Variants in PPP2R5C observed in about 807,000 individuals in gnomAD.
PPP2R5C encodes the protein protein phosphatase 2 regulatory subunit B'gamma, also known as serine/threonine-protein phosphatase 2A 56 kDa regulatory subunit gamma isoform.
Under a neutral mutation model 68.9 loss-of-function variants are expected in PPP2R5C, and 7 were observed. That is an observed-to-expected ratio of 0.10 (90% CI 0.06 to 0.19). The LOEUF is 0.19. Ranked by LOEUF, PPP2R5C falls within the 10% of genes least tolerant of loss-of-function variation. The pLI is 1.00. For synonymous variants in PPP2R5C, 210 were observed against 222.2 expected, an observed-to-expected ratio of 0.95 and a Z score of 0.49; for missense variants, 348 against 641.3, an observed-to-expected ratio of 0.54 and a Z score of 4.94.
At chr14:101,803,193 A>G (rs977534875) in intron 3 of PPP2R5C, 1 of 152,226 alleles carries the variant, frequency 6.6e-6, no homozygotes, top group Non-Finnish European at 1.5e-5. Context: ...TGGGTGACAG[A>G]GCAAGACCCT....
rs2037720567 is a variant in PPP2R5C, at chr14:101,781,932, G to GCGCC, written c.94-4084_94-4081dup. Among the ~76,000 whole-genome samples the GCGCC allele has an allele frequency of 6.6e-6, 1 of 151,730 alleles. No homozygotes were observed. The highest frequency in any genetic ancestry group is 1.5e-5 in the Non-Finnish European group (1 of 67,896). ...ACCCGCTCCCGCTCCCACCTCGTCT[G>GCGCC]CGCCCACCCGCTCTGGGCAGCTGCT... is the stretch of plus-strand genomic sequence containing the variant. On this transcript the variant is annotated intron_variant, in intron 2 of 14. Transcript: ENST00000328724. This position sits in a 1 kb window ranked among gnomAD's most constrained non-coding sequence, Gnocchi z 6.4.
intron 2 of PPP2R5C, among the ~76,000 whole-genome samples, chr14:101,878,156 A>G (rs981465202): frequency 5.3e-5 from 8 of 152,182 alleles, no homozygotes; most frequent in African/African-American, 1.9e-4. Flanking sequence ...CCCTCCTTAC[A>G]AAGACACTAA....
At chr14:101,838,185 G>C (rs906323849) in intron 1 of PPP2R5C, among the ~76,000 whole-genome samples, 3 of 152,198 alleles carry the variant, frequency 2.0e-5, no homozygotes, top group African/African-American at 4.8e-5. Flanking sequence ...TGAAACCAAA[G>C]AACAGGTTTT....
At chr14:101,816,364 C>G (rs1419833353) in intron 1 of PPP2R5C, among the ~76,000 whole-genome samples, 2 of 152,130 alleles carry the variant, frequency 1.3e-5, no homozygotes, top group Non-Finnish European at 2.9e-5. Context: ...TGGGGGAAAC[C>G]AGTACTCCCA....
chr14:101,912,604 A>G (rs909022172), intron 12 of PPP2R5C, 131 bp downstream of exon 14: 18 of 1,339,116 alleles, frequency 1.3e-5, no homozygotes, highest in Non-Finnish European at 1.7e-5. Context: ...TCTGCAATAA[A>G]AAGTACTTTT....
intron 1 of PPP2R5C, among the ~76,000 whole-genome samples, chr14:101,855,462 A>G (rs957736787): frequency 6.6e-6 from 1 of 152,174 alleles, no homozygotes; most frequent in Non-Finnish European, 1.5e-5. Context: ...TTCTTAAAGG[A>G]ATCTGTAAGG....
intron 13 of PPP2R5C, among the ~76,000 whole-genome samples, chr14:101,923,852 G>A (rs763842297): frequency 8.5e-6 from 1 of 117,866 alleles, no homozygotes; most frequent in African/African-American, 4.1e-5. Flanking sequence ...TCATTAAAGC[G>A]AAGGAAAATG....
chr14:101,919,690 G>A (rs933276014), intron 13 of PPP2R5C, among the ~76,000 whole-genome samples: 6 of 152,268 alleles, frequency 3.9e-5, no homozygotes, highest in Admixed American at 2.0e-4. Context: ...ATTCTTGGCC[G>A]GGTGTGGTGG....
At chr14:101,777,576 C>G (rs2037488204) in intron 2 of PPP2R5C, among the ~76,000 whole-genome samples, 1 of 152,160 alleles carries the variant, frequency 6.6e-6, no homozygotes, top group Non-Finnish European at 1.5e-5. Context: ...TCTCAAACTT[C>G]TGACCTCAGG....
chr14:101,769,360 G>A (rs1193890927), intron 2 of PPP2R5C, among the ~76,000 whole-genome samples: 2 of 152,214 alleles, frequency 1.3e-5, no homozygotes, highest in Admixed American at 6.5e-5. Flanking sequence ...AGTTGAGCTC[G>A]AGTCTTCTTT....
In PPP2R5C at chr14:101,894,503, T is replaced by C. The variant is rs1566948066; in HGVS notation, c.799-4T>C. 1 of 1,613,582 alleles carries C rather than the reference T, an allele frequency of 6.2e-7. No homozygotes were observed. The highest frequency in any genetic ancestry group is 8.5e-7 in the Non-Finnish European group (1 of 1,179,462). On this transcript the variant is annotated splice_polypyrimidine_tract_variant and splice_region_variant and intron_variant, in intron 7 of 13. Coordinates refer to ENST00000334743, the Ensembl canonical transcript of PPP2R5C. The stretch of plus-strand genomic sequence containing the variant: ...TTAATGCTCTTTCTCCTTTTACTTT[T>C]TAGCTGGCATACTGTGTAGTGCAGT...
At chr14:101,868,236 ACTTTTT>A (rs891228184) in intron 2 of PPP2R5C, among the ~76,000 whole-genome samples, 29 of 152,178 alleles carry the variant, frequency 1.9e-4, no homozygotes, top group African/African-American at 6.8e-4. Flanking sequence ...ATTCCCAAGT[ACTTTTT>A]GAAATCCAGA....
intron 3 of PPP2R5C, 137 bp from the exon 6 acceptor site, chr14:101,883,120 T>G: frequency 1.6e-6 from 1 of 625,262 alleles, no homozygotes; most frequent in South Asian, 2.1e-5. Context: ...AGCCATGTAA[T>G]TTAGCATTAA....
chr14:101,785,992 A>ATTTGTT (rs1555380918), intron 2 of PPP2R5C, 26 bp from the exon 3 acceptor site: 7 of 1,515,728 alleles, frequency 4.6e-6, no homozygotes, highest in East Asian at 2.5e-5. Flanking sequence ...GTACATATTC[A>ATTTGTT]TTTGTTTTTG....
chr14:101,831,587 CCTT>C, intron 1 of PPP2R5C: 1 of 535,778 alleles, frequency 1.9e-6, no homozygotes, highest in South Asian at 2.7e-5. Context: ...GGACACAACT[CCTT>C]ATCATAGTAC....
intron 1 of PPP2R5C, among the ~76,000 whole-genome samples, chr14:101,762,382 C>T (rs948938366): frequency 2.9e-4 from 44 of 152,102 alleles, no homozygotes; most frequent in African/African-American, 1.0e-3. Context: ...CGAGAAGGGA[C>T]CCCGCTGAGA....
chr14:101,908,800 G>A (rs1461321937), intron 10 of PPP2R5C, among the ~76,000 whole-genome samples: 9 of 151,956 alleles, frequency 5.9e-5, no homozygotes, highest in East Asian at 1.9e-4. Flanking sequence ...TCCAATCCCC[G>A]CCCATTGCAA....
chr14:101,886,503 G>T (rs938264704), intron 5 of PPP2R5C, among the ~76,000 whole-genome samples: 1 of 151,956 alleles, frequency 6.6e-6, no homozygotes, highest in Admixed American at 6.6e-5. Flanking sequence ...TTGTGTGCAT[G>T]CTTTTGATAG....
intron 1 of PPP2R5C, among the ~76,000 whole-genome samples, chr14:101,834,937 C>A (rs994387543): frequency 5.9e-5 from 9 of 152,312 alleles, no homozygotes; most frequent in African/African-American, 2.2e-4. Flanking sequence ...GAAGGTCTGG[C>A]CAGACTTTAG....
Sources: allele counts gnomAD v4.1 joint callset (sites outside exome capture counted in the v4.1 genomes callset), GRCh38; gene constraint gnomAD v4.1.1; non-coding constraint Gnocchi (gnomAD v3.1); transcripts MANE v1.5; gene names NCBI Gene and HGNC (gene_info 2026-07-23, HGNC 2026-07-21).